The following IGSF22 variants were observed in gnomAD, a reference collection of about 807,000 sequenced individuals.
IGSF22 encodes the protein immunoglobulin superfamily, member 22.
A neutral mutation model predicts 127.0 loss-of-function variants in IGSF22; 119 were observed. The ratio of observed to expected loss-of-function variants is 0.94; its 90% CI spans 0.81 to 1.09. IGSF22 has a LOEUF of 1.09. Ranked by LOEUF, IGSF22 falls within the 50% of genes least tolerant of loss-of-function variation. IGSF22 has a pLI of 0.00. For synonymous variants in IGSF22, 568 were observed against 664.7 expected (o/e 0.85, Z 2.24); for missense variants, 1,518 against 1,716.6 (o/e 0.88, Z 2.04).
At chr11:18,715,846 G>T in intron 10 of IGSF22, 130 bp from the exon 11 acceptor site, 1 of 1,032,536 alleles carries the variant, frequency 9.7e-7, no homozygotes, top group Non-Finnish European at 1.4e-6. Flanking sequence ...GAATGTGTTT[G>T]TGTGTAATAT....
rs1170877188 is a variant in IGSF22 at position 18,706,019 on chromosome 11, G to C, written c.3708C>G (p.Phe1236Leu). ...TCACTGTGGGCCGCGGGTTCCCAAG[G>C]AAGGCGCAGGTCATGGTGCAGTCCT... ...RGQDCTMTCA[F>L]LGNPRPTVTL... The change falls in exon 22 of 23, where the codon TTC (phenylalanine) becomes TTG (leucine). Residue 1236 changes from phenylalanine (F) to leucine (L), a missense_variant. Physicochemically the swap from Phe to Leu is conservative, Grantham distance 22. This residue lies in a region of IGSF22 where 1,456 missense variants were observed against 1,644.9 expected (regional missense o/e 0.89). Transcript: ENST00000513874. 1 of 1,551,550 alleles carries C rather than the reference G, an allele frequency of 6.4e-7. No homozygotes were observed. The highest frequency in any genetic ancestry group is 8.7e-7 in the Non-Finnish European group (1 of 1,146,982).
rs142826555 is a variant in IGSF22, at chr11:18,714,000, C to T, written c.1947G>A (p.Thr649=). 35,521 of 1,614,288 alleles carry T rather than the reference C, an allele frequency of 0.022. 457 individuals are homozygous for T. The highest frequency in any genetic ancestry group is 0.025 in the Non-Finnish European group (29,754 of 1,180,050). The change falls in exon 14 of 23, where the codon ACG becomes ACA. Residue 649 remains threonine (T), a synonymous_variant. Transcript: ENST00000513874. The part of the protein sequence containing the change: ...VTWYKDGMEV[T]EEERVSMERG... ...GCTCCATGGACACGCGTTCCTCCTCCGTCACTTCCATGCCATCCTTGTACC... is the reference window on the plus strand; with the variant it reads ...GCTCCATGGACACGCGTTCCTCCTCTGTCACTTCCATGCCATCCTTGTACC...
chr11:18,716,987 C>T lies in IGSF22; in HGVS notation c.987G>A (p.Lys329=). 3 of 1,614,122 alleles carry T rather than the reference C, an allele frequency of 1.9e-6. No individual in the cohort carries two copies. The highest frequency in any genetic ancestry group is 2.5e-6 in the Non-Finnish European group (3 of 1,179,972). Residue 329 remains lysine, a synonymous_variant, in exon 10 of 23, where the codon AAG becomes AAA. Coordinates refer to ENST00000513874, the MANE Select transcript of IGSF22 (RefSeq NM_173588.4). This position sits in a 1 kb window ranked among gnomAD's most constrained non-coding sequence, Gnocchi z 4.5. ...TCACAGGCTTCATCTCTCCCAGGAA[C>T]TTCAGTGGCTCATCTGCAGCAAACA... The part of the protein sequence containing the change: ...AELTVLDEPL[K]FLGEMKPVKV...
intron 5 of IGSF22, 24 bp downstream of exon 5, chr11:18,720,162 G>T: frequency 2.5e-6 from 4 of 1,613,638 alleles, no homozygotes; most frequent in Non-Finnish European, 3.4e-6. Flanking sequence ...AAGAAGAAAG[G>T]CCAAGAGGAA....
chr11:18,714,169 G>A, intron 13 of IGSF22, 21 bp from the exon 14 acceptor site: 2 of 1,600,950 alleles, frequency 1.2e-6, no homozygotes, highest in South Asian at 1.1e-5. Flanking sequence ...GGGCGGCAGG[G>A]AAGGCTTGAG....
At chr11:18,710,100 A>G (rs1416343000) in intron 17 of IGSF22, among the ~76,000 whole-genome samples, 2 of 152,108 alleles carry the variant, frequency 1.3e-5, no homozygotes, top group East Asian at 1.9e-4. Context: ...GAAATACACG[A>G]AATTTAAAAA....
At position 18,710,799 on chromosome 11, in the gene IGSF22, C is replaced by G. The variant is rs778911660; in HGVS notation, c.2428G>C (p.Val810Leu). ...EPPGFASQPQ[V>L]TDVTKEAVTI... is the part of the protein sequence containing the mutation. ...ACGGCTTCTTTAGTCACATCAGTCA[C>G]TTGAGGCTGGGAGGCAAAACCAGGA... is the stretch of plus-strand genomic sequence containing the variant. The change falls in exon 16 of 23, where the codon GTG (valine) becomes CTG (leucine). Residue 810 changes from valine (V) to leucine (L), a missense_variant. Coordinates refer to ENST00000513874, the MANE Select transcript of IGSF22 (RefSeq NM_173588.4). The G allele has an allele frequency of 3.1e-6, 5 of 1,613,840 alleles. No individual in the cohort carries two copies. The East Asian group carries it at 1.1e-4, about 36-fold the overall frequency.
chr11:18,712,208 C>T lies in IGSF22; in HGVS notation c.2272G>A (p.Val758Ile). Residue 758 changes from valine to isoleucine, a missense_variant, in exon 15 of 23, where the codon GTC (valine) becomes ATC (isoleucine). By Grantham distance (29) the Val-to-Ile change is conservative (BLOSUM62 3). Around this residue, in one of 3 missense-constraint regions of IGSF22, gnomAD observed 1,456 missense variants for 1,644.9 expected, o/e 0.89. Transcript: ENST00000513874. ...WIKIGEVDGK[V>I]TNFSTNKVEE... ...ACCTTGTTGGTGGAGAAGTTGGTGA[C>T]TTTGCCGTCCACCTCGCCTATCTTA... is the stretch of plus-strand genomic sequence containing the variant. 1.9e-6 allele frequency: 3 copies of T among 1,551,758 alleles called. No individual in the cohort carries two copies. The highest frequency in any genetic ancestry group is 2.6e-6 in the Non-Finnish European group (3 of 1,147,006).
rs964721316 is a variant in IGSF22, at chr11:18,710,448, C to T, written c.2580G>A (p.Lys860=). 4.3e-6 allele frequency: 7 copies of T among 1,613,980 alleles called. No individual in the cohort carries two copies. The highest frequency in any genetic ancestry group is 4.0e-5 in the African/African-American group (3 of 74,922). ...CCTCCAGGAGACCATCCACAGTGCACTTGGTGCCTGAAATGGGAAGATGAG... is the reference window on the plus strand; with the variant it reads ...CCTCCAGGAGACCATCCACAGTGCATTTGGTGCCTGAAATGGGAAGATGAG... ...PVNKDPIQGT[K]CTVDGLLEDT... is the part of the protein sequence containing the mutation. The change falls in exon 17 of 23, where the codon AAG becomes AAA. Residue 860 remains lysine, a synonymous_variant. Transcript: ENST00000513874.
Position 18,724,149 on chromosome 11 carries a change from G to A in IGSF22, c.88C>T (p.Gln30Ter). The change falls in exon 2 of 23, where the codon CAG becomes TAG. Residue 30 changes from glutamine (Q) to a stop codon, truncating the protein, a stop_gained. Transcript: ENST00000513874. LOFTEE classifies it high-confidence loss of function. ...SSTTHVQTFS[Q>*]TTKIVGEEVV... ...TTGCCTCCCACGATCTTGGTTGTCT[G>A]GGAGAAGGTCTGCACGTGGGTGGTG... 1 of 1,613,568 alleles carries A rather than the reference G, an allele frequency of 6.2e-7. No individual in the cohort carries two copies. Among genetic ancestry groups the A allele is most frequent in the Non-Finnish European group, 8.5e-7 (1 of 1,179,552 alleles).
At chr11:18,719,410 AC>A (rs1848526510) in intron 7 of IGSF22, among the ~76,000 whole-genome samples, 1 of 151,388 alleles carries the variant, frequency 6.6e-6, no homozygotes. Context: ...CAGGTGATCC[AC>A]CCACCTTGGC....
rs573399957 is a variant in IGSF22, at chr11:18,715,450, C to T, written c.1513G>A (p.Ala505Thr). 1.2e-5 allele frequency: 19 copies of T among 1,611,950 alleles called. 1 individual carries two copies. In the African/African-American group the frequency reaches 2.3e-4, roughly 19 times the overall value. ...GTGTTACCCTCCACAGTGACGATGG[C>T]AGTACTGTAGTATTCAGTAGGGTCT... ...DGDPTEYYST[A>T]IVTVEERLAT... The change falls in exon 11 of 23, where the codon GCC becomes ACC. Residue 505 changes from alanine (A) to threonine (T), a missense_variant. By Grantham distance (58) the Ala-to-Thr change is moderately conservative. Coordinates refer to ENST00000513874, the MANE Select transcript of IGSF22 (RefSeq NM_173588.4).
chr11:18,707,157 T>C lies in IGSF22; in HGVS notation c.3337A>G (p.Thr1113Ala). 1 of 1,551,200 alleles carries C rather than the reference T, an allele frequency of 6.4e-7. No homozygotes were observed. The highest frequency in any genetic ancestry group is 8.7e-7 in the Non-Finnish European group (1 of 1,146,710). ...RLFEEVPNTV[T>A]LTWNHSPDVQ... ...TCTGGGCTGTGGTTCCAGGTCAGAGTCACTGTGTTGGGGACTTCCTCAAAC... is the reference window on the plus strand; with the variant it reads ...TCTGGGCTGTGGTTCCAGGTCAGAGCCACTGTGTTGGGGACTTCCTCAAAC... The change falls in exon 21 of 23, where the codon ACT (threonine) becomes GCT (alanine). Residue 1113 changes from threonine to alanine, a missense_variant. This residue lies in a region of IGSF22 where 1,456 missense variants were observed against 1,644.9 expected (regional missense o/e 0.89). Transcript: ENST00000513874.
At chr11:18,718,507 G>A in intron 8 of IGSF22, 108 bp downstream of exon 8, 1 of 778,850 alleles carries the variant, frequency 1.3e-6, no homozygotes, top group Non-Finnish European at 2.4e-6. Flanking sequence ...ATACCAGGAG[G>A]CATCCTCTTG....
In IGSF22 at chr11:18,707,852, GA is replaced by G. The variant is rs764931030; in HGVS notation, c.3231del (p.Gln1078ArgfsTer35). On this transcript the variant is annotated frameshift_variant, in exon 20 of 23. Transcript: ENST00000513874. LOFTEE classifies it high-confidence loss of function. ...RSDSGVYRIL[L>X]QNEFGEARYD... is the part of the protein sequence containing the mutation. ...TAGCGTGCTTCTCCAAACTCATTCT[GA>G]AGCAAGATTCGGTACACCCCTGAGT... 2 of 1,613,330 alleles carry G rather than the reference GA, an allele frequency of 1.2e-6. No homozygotes were observed. Among genetic ancestry groups the G allele is most frequent in the South Asian group, 2.2e-5 (2 of 90,854 alleles).
At chr11:18,714,649 C>T (rs1848426915) in intron 11 of IGSF22, 25 bp from the exon 12 acceptor site, 1 of 1,612,504 alleles carries the variant, frequency 6.2e-7, no homozygotes, top group African/African-American at 1.3e-5. Context: ...GGGCAAGGGA[C>T]TGGCTCAGGA....
chr11:18,720,066 C>T lies in IGSF22; in HGVS notation c.516G>A (p.Lys172=), dbSNP rs777369340. The change falls in exon 6 of 23, where the codon AAG becomes AAA. Residue 172 remains lysine, a splice_region_variant and synonymous_variant. Coordinates refer to ENST00000513874, the MANE Select transcript of IGSF22 (RefSeq NM_173588.4). ...EKMDFKKMLK[K]RAPPAPKKKQ... ...GCAGAAGGACCTGCCAGCCTCACCT[C>T]TTCTTCAGCATCTTTTTGAAGTCCA... 1.2e-6 allele frequency: 2 copies of T among 1,614,138 alleles called. No homozygotes were observed. The highest frequency in any genetic ancestry group is 1.7e-4 in the Middle Eastern group (1 of 6,004).
intron 4 of IGSF22, 114 bp downstream of exon 4, chr11:18,721,421 G>T (rs1848569418): frequency 3.6e-6 from 5 of 1,400,840 alleles, no homozygotes; most frequent in Non-Finnish European, 5.0e-6. Flanking sequence ...TTTTCCCACT[G>T]CCCGGCTCTC....
chr11:18,723,671 A>G (rs928057769), intron 2 of IGSF22, among the ~76,000 whole-genome samples: 2 of 152,328 alleles, frequency 1.3e-5, no homozygotes, highest in East Asian at 1.9e-4. Context: ...CTGGAAGGTA[A>G]GGTCACCTTC....
Sources: gnomAD v4.1 joint callset for allele counts (sites outside exome capture counted in the v4.1 genomes callset) on GRCh38, gnomAD v4.1.1 for gene constraint, gnomAD v4.1.1 regional missense constraint, Gnocchi (gnomAD v3.1) non-coding constraint, MANE v1.5 for transcripts, NCBI Gene and HGNC (gene_info 2026-07-23, HGNC 2026-07-21) for gene names.